The following GTPBP1 variants were observed in gnomAD, a reference collection of about 807,000 sequenced individuals.
GTPBP1 encodes GTP-binding protein 1.
A neutral mutation model predicts 62.0 loss-of-function variants in GTPBP1; 23 were observed. That is an observed-to-expected ratio of 0.37 (90% CI 0.27 to 0.53). The LOEUF (loss-of-function observed/expected upper bound fraction) is 0.53. GTPBP1 is among the 20% of genes least tolerant of loss of function. The pLI is 0.89. For missense variants in GTPBP1, 640 were observed against 917.3 expected (o/e 0.70, Z 3.90); for synonymous variants, 344 against 364.4 (o/e 0.94, Z 0.64).
At chr22:38,718,821 A>G (rs1001205215) in intron 4 of GTPBP1, among the ~76,000 whole-genome samples, 3 of 152,176 alleles carry the variant, frequency 2.0e-5, no homozygotes, top group Non-Finnish European at 4.4e-5. Flanking sequence ...CCTGCCAGAG[A>G]TATTTTGTAC....
chr22:38,741,441 T>A, downstream of GTPBP1: 5 of 1,568,352 alleles, frequency 3.2e-6, no homozygotes, highest in African/African-American at 1.3e-5. Flanking sequence ...GGTGAACATG[T>A]TGGATGGGGT....
chr22:38,736,259 A>T (rs1255819599), downstream of GTPBP1: 1 of 1,609,506 alleles, frequency 6.2e-7, no homozygotes, highest in Admixed American at 1.7e-5. Flanking sequence ...AGGCACCAGT[A>T]AGCAGGGCTA....
In GTPBP1 at chr22:38,716,068, A is replaced by G. The variant is rs773844230; in HGVS notation, c.466A>G (p.Asn156Asp). 1.9e-6 allele frequency: 3 copies of G among 1,603,552 alleles called. No homozygotes were observed. Among genetic ancestry groups the G allele is most frequent in the Middle Eastern group, 1.7e-4 (1 of 6,040 alleles). ...DYLVRKRVGDNDFLEVRVAVV... is the reference protein window; with the variant it reads ...DYLVRKRVGDDDFLEVRVAVV... ...CCTGGTCCGGAAACGAGTAGGAGAC[A>G]ATGACTTCCTGGAGGTCAGGTGAGG... The change falls in exon 3 of 12, where the codon AAT (asparagine) becomes GAT (aspartate). Residue 156 changes from asparagine to aspartate, a missense_variant. Coordinates refer to ENST00000216044, the MANE Select transcript of GTPBP1 (RefSeq NM_004286.5). The surrounding 1 kb of genome is among the most constrained non-coding windows in gnomAD (Gnocchi z 5.2).
At chr22:38,736,627 G>A (rs1239680147), downstream of GTPBP1, 10 of 355,076 alleles carry the variant, frequency 2.8e-5, no homozygotes, top group Non-Finnish European at 4.6e-5. Flanking sequence ...ATCCACAATC[G>A]TTTTTTTATT....
chr22:38,726,510 T>C lies in GTPBP1; in HGVS notation c.1401+70T>C. The C allele has an allele frequency of 3.8e-6, 5 of 1,309,846 alleles. No individual in the cohort carries two copies. The South Asian group carries it at 5.0e-5, about 13-fold the overall frequency. 81.1% of individuals were successfully genotyped at this position (1,309,846 alleles called of 1,614,324 possible). A position where few individuals can be genotyped will look rare whatever the true frequency, so the allele number is the denominator to read the frequency against. On this transcript the variant is annotated intron_variant, in intron 8 of 11. Transcript: ENST00000216044. The surrounding 1 kb of genome is among the most constrained non-coding windows in gnomAD (Gnocchi z 4.1). ...CTAGGCTCTTGGCCAGATGCCCTGC[T>C]CACCCACTCTAGTCCTCATGGCTGC...
At chr22:38,742,833 C>G, downstream of GTPBP1, 1 of 398,720 alleles carries the variant, frequency 2.5e-6, no homozygotes, top group Non-Finnish European at 4.6e-6. Flanking sequence ...GAAGGTGGGC[C>G]GGGGAGAAGG....
intron 1 of GTPBP1, 62 bp from the exon 2 acceptor site, chr22:38,708,783 C>G: frequency 1.1e-6 from 1 of 916,348 alleles, no homozygotes; most frequent in East Asian, 2.4e-5. Flanking sequence ...CTATATTGAT[C>G]AGCTTTGGCT....
downstream of GTPBP1, chr22:38,738,906 C>A (rs1370457089): frequency 1.9e-6 from 3 of 1,611,202 alleles, no homozygotes; most frequent in Non-Finnish European, 2.5e-6. This position sits in a 1 kb window ranked among gnomAD's most constrained non-coding sequence, Gnocchi z 6.6. Context: ...GGGAGTGGTA[C>A]CACAGGGGGA....
At chr22:38,713,613 A>G (rs1603175254) in intron 2 of GTPBP1, among the ~76,000 whole-genome samples, 1 of 152,210 alleles carries the variant, frequency 6.6e-6, no homozygotes, top group Non-Finnish European at 1.5e-5. Context: ...GGAACTGGTC[A>G]GGCAGTAAGA....
chr22:38,708,173 C>T (rs1398074790), intron 1 of GTPBP1, among the ~76,000 whole-genome samples: 1 of 152,172 alleles, frequency 6.6e-6, no homozygotes, highest in African/African-American at 2.4e-5. Context: ...ATTCTTTGTC[C>T]AAGGTCACAC....
chr22:38,717,055 GT>G, intron 4 of GTPBP1, 55 bp downstream of exon 4: 1 of 1,086,256 alleles, frequency 9.2e-7, no homozygotes, highest in South Asian at 1.4e-5. Context: ...CTTGGGTCTG[GT>G]TATGTGCAAG....
downstream of GTPBP1, chr22:38,736,372 C>A (rs762525284): frequency 6.2e-7 from 1 of 1,613,088 alleles, no homozygotes; most frequent in Non-Finnish European, 8.5e-7. Context: ...ACGTGGCCAT[C>A]GTAGGGGCCT....
downstream of GTPBP1, chr22:38,736,382 T>C: frequency 6.2e-7 from 1 of 1,610,624 alleles, no homozygotes; most frequent in Non-Finnish European, 8.5e-7. Flanking sequence ...CGTAGGGGCC[T>C]GGGTAGAGAA....
At position 38,727,654 on chromosome 22, in the gene GTPBP1, A is replaced by G. The variant is rs1739494718; in HGVS notation, c.1537+306A>G. 6.6e-6 allele frequency among the ~76,000 whole-genome samples: 1 copy of G among 152,172 alleles called. No individual in the cohort carries two copies. The highest frequency in any genetic ancestry group is 2.4e-5 in the African/African-American group (1 of 41,434). On this transcript the variant is annotated intron_variant, in intron 9 of 11. Transcript: ENST00000216044. The surrounding 1 kb of genome is among the most constrained non-coding windows in gnomAD (Gnocchi z 6.5). ...GCTAAGGTGCTGGGAACAAAGATGAAGTAGATGGGCAAGGATCCTTCCCCG... is the reference window on the plus strand; with the variant it reads ...GCTAAGGTGCTGGGAACAAAGATGAGGTAGATGGGCAAGGATCCTTCCCCG...
At chr22:38,728,927 G>A (rs916265767) in intron 10 of GTPBP1, 1 of 152,766 alleles carries the variant, frequency 6.5e-6, no homozygotes, top group African/African-American at 2.4e-5. Flanking sequence ...AACTCCAGAT[G>A]TTTCCAGCTG....
At chr22:38,739,077 G>C, downstream of GTPBP1, 1 of 1,301,390 alleles carries the variant, frequency 7.7e-7, no homozygotes, top group Non-Finnish European at 1.1e-6. This position sits in a 1 kb window ranked among gnomAD's most constrained non-coding sequence, Gnocchi z 6.7. Context: ...GAAGGTGGAC[G>C]GCAGATGCCC....
chr22:38,740,518 G>T, downstream of GTPBP1: 1 of 1,373,088 alleles, frequency 7.3e-7, no homozygotes, highest in Non-Finnish European at 9.6e-7. This position sits in a 1 kb window ranked among gnomAD's most constrained non-coding sequence, Gnocchi z 4.8. Context: ...CCCCCTAGTG[G>T]GCTCCCGTCA....
chr22:38,717,959 A>C (rs1051478620), intron 4 of GTPBP1, among the ~76,000 whole-genome samples: 17 of 152,244 alleles, frequency 1.1e-4, no homozygotes, highest in African/African-American at 4.1e-4. Flanking sequence ...TGTATTAATA[A>C]ATGTAGTAAA....
Position 38,716,623 on chromosome 22 carries a change from CATAG to C in GTPBP1, c.486-26_486-23del. On this transcript the variant is annotated intron_variant, in intron 3 of 11. Transcript: ENST00000216044. The surrounding 1 kb of genome is among the most constrained non-coding windows in gnomAD (Gnocchi z 5.2). ...CACCTCACTCATTCACTAACTCTCA[CATAG>C]ATGTATGGGTTCATCTACACGCAGG... is the stretch of plus-strand genomic sequence containing the variant. 6.7e-7 allele frequency: 1 copy of C among 1,499,630 alleles called. No homozygotes were observed. Among genetic ancestry groups the C allele is most frequent in the Non-Finnish European group, 9.2e-7 (1 of 1,085,696 alleles). The allele number at this position is 1,499,630 out of a possible 1,614,324, so 92.9% of individuals were successfully genotyped here.
Sources: gnomAD v4.1 joint callset for allele counts (sites outside exome capture counted in the v4.1 genomes callset) on GRCh38, gnomAD v4.1.1 for gene constraint, Gnocchi (gnomAD v3.1) non-coding constraint, MANE v1.5 for transcripts, NCBI Gene and HGNC (gene_info 2026-07-23, HGNC 2026-07-21) for gene names.